PEX14: variants seen among roughly 807,000 people sequenced by gnomAD.
PEX14 encodes the protein peroxisomal membrane protein PEX14.
Under a neutral mutation model 49.5 loss-of-function variants are expected in PEX14, and 15 were observed. That is an observed-to-expected ratio of 0.30 (90% CI 0.20 to 0.47). The LOEUF is 0.47. Ranked by LOEUF, PEX14 falls within the 20% of genes least tolerant of loss-of-function variation. PEX14 has a pLI of 1.00. For missense variants in PEX14, 398 were observed against 494.8 expected (o/e 0.80, Z 1.86); for synonymous variants, 210 against 212.7 (o/e 0.99, Z 0.11).
chr1:10,608,481 G>A lies in PEX14; in HGVS notation c.298+9115G>A, dbSNP rs193218918. Among the ~76,000 whole-genome samples, 23 of 152,194 alleles carry A rather than the reference G, an allele frequency of 1.5e-4. No homozygotes were observed. The East Asian group carries it at 3.1e-3, about 21-fold the overall frequency. The stretch of plus-strand genomic sequence containing the variant: ...GTTCGAGACCAGCCTGGCCAACATG[G>A]TGAAACCCGGTCTCTACTAAAAGTA... On this transcript the variant is annotated intron_variant, in intron 4 of 8. Coordinates refer to ENST00000356607, the MANE Select transcript of PEX14 (RefSeq NM_004565.3).
chr1:10,551,492 T>A (rs1000011195), intron 3 of PEX14, among the ~76,000 whole-genome samples: 12 of 152,182 alleles, frequency 7.9e-5, no homozygotes, highest in African/African-American at 2.9e-4. Flanking sequence ...GCAGCACGGA[T>A]TCGGCTTGGA....
At position 10,491,503 on chromosome 1, in the gene PEX14, G is replaced by A. The variant is rs140549748; in HGVS notation, c.37-3771G>A. Among the ~76,000 whole-genome samples the A allele has an allele frequency of 2.6e-3, 390 of 148,490 alleles. 1 individual carries two copies. The highest frequency in any genetic ancestry group is 9.5e-3 in the African/African-American group (365 of 38,478). ...TCAAGCGAGCCTCCTGAGTAGCTGG[G>A]ACTATAGGATGCACCACCACACCCG... On this transcript the variant is annotated intron_variant, in intron 1 of 8. Coordinates refer to ENST00000356607, the MANE Select transcript of PEX14 (RefSeq NM_004565.3).
chr1:10,596,891 A>C (rs1223293510), intron 3 of PEX14, among the ~76,000 whole-genome samples: 1 of 152,262 alleles, frequency 6.6e-6, no homozygotes, highest in Non-Finnish European at 1.5e-5. Context: ...AACGTCTGTG[A>C]AAAACAAGAG....
At chr1:10,478,153 GCTT>G (rs1393303974) in intron 1 of PEX14, among the ~76,000 whole-genome samples, 1 of 152,082 alleles carries the variant, frequency 6.6e-6, no homozygotes, top group Non-Finnish European at 1.5e-5. Context: ...CTCCCAAAGA[GCTT>G]GGTATTACAG....
intron 1 of PEX14, among the ~76,000 whole-genome samples, chr1:10,487,125 G>A (rs1235129141): frequency 6.6e-6 from 1 of 152,068 alleles, no homozygotes; most frequent in Non-Finnish European, 1.5e-5. Context: ...TTTTTGAAAT[G>A]TTAAACCAAT....
intron 3 of PEX14, among the ~76,000 whole-genome samples, chr1:10,581,262 T>G (rs1640307175): frequency 6.6e-6 from 1 of 151,932 alleles, no homozygotes. Context: ...GTTTCCATTC[T>G]TGTTGCCTCT....
chr1:10,500,131 C>T (rs781580883), intron 2 of PEX14, among the ~76,000 whole-genome samples: 2 of 138,666 alleles, frequency 1.4e-5, no homozygotes, highest in African/African-American at 2.5e-5. Context: ...AGGCAAGGCA[C>T]GGTGCTCACG....
At chr1:10,561,058 CAT>C (rs1639640366) in intron 3 of PEX14, among the ~76,000 whole-genome samples, 1 of 152,078 alleles carries the variant, frequency 6.6e-6, no homozygotes, top group Non-Finnish European at 1.5e-5. Context: ...TACACACACA[CAT>C]ATACACACAC....
intron 3 of PEX14, among the ~76,000 whole-genome samples, chr1:10,568,414 A>G (rs757039416): frequency 1.4e-5 from 2 of 147,264 alleles, no homozygotes; most frequent in Non-Finnish European, 3.0e-5. Context: ...CTAAGAATGG[A>G]TATCGAATTA....
chr1:10,595,935 C>T (rs1640821723), intron 3 of PEX14, among the ~76,000 whole-genome samples: 1 of 152,234 alleles, frequency 6.6e-6, no homozygotes, highest in Non-Finnish European at 1.5e-5. Context: ...TTGGCAGTTT[C>T]CTTTATTATT....
chr1:10,518,717 T>C (rs1381541534), intron 2 of PEX14, among the ~76,000 whole-genome samples: 1 of 152,178 alleles, frequency 6.6e-6, no homozygotes, highest in African/African-American at 2.4e-5. Context: ...GTAATAAATA[T>C]ATATTTTTCC....
chr1:10,621,592 A>G (rs1032454159), intron 5 of PEX14, among the ~76,000 whole-genome samples: 4 of 151,844 alleles, frequency 2.6e-5, no homozygotes, highest in Non-Finnish European at 4.4e-5. Context: ...TGATCTGCCC[A>G]CCTCAGCCTC....
At chr1:10,586,972 T>G (rs1403571187) in intron 3 of PEX14, among the ~76,000 whole-genome samples, 1 of 151,566 alleles carries the variant, frequency 6.6e-6, no homozygotes, top group Non-Finnish European at 1.5e-5. Flanking sequence ...GCAAGCAAAC[T>G]GAATCTGTGG....
chr1:10,524,471 G>C (rs1638402938), intron 2 of PEX14: 3 of 916,944 alleles, frequency 3.3e-6, no homozygotes, highest in Non-Finnish European at 3.9e-6. Context: ...TCAATAAACT[G>C]ATTTGCTTAA....
chr1:10,512,569 C>T lies in PEX14; in HGVS notation c.84+17248C>T, dbSNP rs1641902766. ...CACTGGCGTCGGTGGTTATATTCCA[C>T]ATTTGTCAAATCCTTAAATCCAACT... On this transcript the variant is annotated intron_variant, in intron 2 of 8. Coordinates refer to ENST00000356607, the MANE Select transcript of PEX14 (RefSeq NM_004565.3). This position sits in a 1 kb window ranked among gnomAD's most constrained non-coding sequence, Gnocchi z 4.6. 6.6e-6 allele frequency among the ~76,000 whole-genome samples: 1 copy of T among 152,160 alleles called. No individual in the cohort carries two copies.
In PEX14 at chr1:10,621,951, C is replaced by T. The variant is rs145912565; in HGVS notation, c.385-1068C>T. On this transcript the variant is annotated intron_variant, in intron 5 of 8. Transcript: ENST00000356607. ...ATAGATTAAGAACCAAAGTTATCCC[C>T]GGGCAGCTCCTGCCAGGCTTGCACT... 1.6e-3 allele frequency among the ~76,000 whole-genome samples: 241 copies of T among 152,232 alleles called. 1 individual carries two copies. The highest frequency in any genetic ancestry group is 5.5e-3 in the African/African-American group (227 of 41,518).
chr1:10,551,835 G>A (rs1455571254), intron 3 of PEX14, among the ~76,000 whole-genome samples: 1 of 152,130 alleles, frequency 6.6e-6, no homozygotes, highest in Non-Finnish European at 1.5e-5. Flanking sequence ...AGGCACGGTG[G>A]CTCATGCCTG....
intron 1 of PEX14, among the ~76,000 whole-genome samples, chr1:10,476,362 C>T (rs951264863): frequency 3.3e-5 from 5 of 152,128 alleles, no homozygotes; most frequent in African/African-American, 4.8e-5. Context: ...GCAAGTGTCT[C>T]GAGAGGAGGG....
intron 2 of PEX14, among the ~76,000 whole-genome samples, chr1:10,520,148 C>CTTTTTTTTTTTTTTTTTTTTTTTTTTT (rs565247030): frequency 1.9e-4 from 13 of 69,164 alleles, no homozygotes; most frequent in Middle Eastern, 7.4e-3. Context: ...CCTTCTTCTT[C>CTTTTTTTTTTTTTTTTTTTTTTTTTTT]TTTTTTTTTT....
Sources: gnomAD v4.1 joint callset for allele counts (sites outside exome capture counted in the v4.1 genomes callset) on GRCh38, gnomAD v4.1.1 for gene constraint, Gnocchi (gnomAD v3.1) non-coding constraint, MANE v1.5 for transcripts, NCBI Gene and HGNC (gene_info 2026-07-23, HGNC 2026-07-21) for gene names.